SLC5A9: variants seen among roughly 807,000 people sequenced by gnomAD.
The protein encoded by SLC5A9 is solute carrier family 5 member 9, also known as sodium/glucose cotransporter 4.
In SLC5A9, 59 loss-of-function variants were observed where a neutral mutation model predicts 70.9. That is an observed-to-expected ratio of 0.83 (90% confidence interval 0.68 to 1.03). SLC5A9 has a LOEUF of 1.03. Among genes scored for constraint, SLC5A9 ranks in the 50% least tolerant of loss-of-function variants. The pLI is 0.00. For synonymous variants in SLC5A9, 340 were observed against 346.5 expected (o/e 0.98, Z 0.21); for missense variants, 832 against 881.1 (o/e 0.94, Z 0.71).
intron 2 of SLC5A9, among the ~76,000 whole-genome samples, chr1:48,226,079 A>G (rs1644142387): frequency 6.6e-6 from 1 of 152,190 alleles, no homozygotes. Flanking sequence ...TCTGTCCAGC[A>G]TGACAGAATC....
chr1:48,229,957 A>G (rs755832034), intron 4 of SLC5A9, among the ~76,000 whole-genome samples: 1 of 152,236 alleles, frequency 6.6e-6, no homozygotes, highest in Non-Finnish European at 1.5e-5. Context: ...TTCACAAAAC[A>G]ATCATGGAAT....
chr1:48,247,345 G>C lies in SLC5A9; in HGVS notation c.1848G>C (p.Arg616Ser). ...LGQEQPEAPS[R>S]SWGKLLWSWF... ...GCTTTGTCCCTCCAGCCCCAAGCAG[G>C]TCCTGGGGAAAGTTGCTCTGGAGCT... The change falls in exon 14 of 14, where the codon AGG becomes AGC. Residue 616 changes from arginine (R) to serine (S), a missense_variant. Coordinates refer to ENST00000438567, the MANE Select transcript of SLC5A9 (RefSeq NM_001011547.3). 1 of 1,613,930 alleles carries C rather than the reference G, an allele frequency of 6.2e-7. No individual in the cohort carries two copies. Among genetic ancestry groups the C allele is most frequent in the East Asian group, 2.2e-5 (1 of 44,858 alleles).
chr1:48,234,001 G>T (rs1644293956), intron 9 of SLC5A9, among the ~76,000 whole-genome samples: 1 of 152,208 alleles, frequency 6.6e-6, no homozygotes. Flanking sequence ...GGCATCATGC[G>T]GTCTCCAGGG....
intron 6 of SLC5A9, 140 bp downstream of exon 6, chr1:48,231,765 C>T (rs1644251197): frequency 6.6e-7 from 1 of 1,508,038 alleles, no homozygotes; most frequent in African/African-American, 1.4e-5. Context: ...CTGCAGCTCC[C>T]AAAGAGCAGG....
chr1:48,233,360 C>CAAAAAAAAAAAAAAAAAAAAAAAAA (rs1157245912), intron 8 of SLC5A9, among the ~76,000 whole-genome samples: 1 of 58,714 alleles, frequency 1.7e-5, no homozygotes. Context: ...GACTCCATCT[C>CAAAAAAAAAAAAAAAAAAAAAAAAA]AAAAAAAAAA....
At chr1:48,228,404 C>CA (rs1335163016) in intron 2 of SLC5A9, 1 of 175,240 alleles carries the variant, frequency 5.7e-6, no homozygotes, top group East Asian at 1.5e-4. Flanking sequence ...TCGACCTGGC[C>CA]TGTGCTCAGT....
chr1:48,246,841 A>G (rs932151596), intron 13 of SLC5A9, among the ~76,000 whole-genome samples: 28 of 152,232 alleles, frequency 1.8e-4, no homozygotes, highest in African/African-American at 6.8e-4. Context: ...AGTGATTTGC[A>G]TATGGCCTCA....
chr1:48,243,191 A>G (rs773982473), intron 13 of SLC5A9, among the ~76,000 whole-genome samples: 4 of 151,976 alleles, frequency 2.6e-5, no homozygotes, highest in Non-Finnish European at 5.9e-5. Context: ...TTTATTATTT[A>G]TTTATCTCCC....
chr1:48,227,219 T>C (rs1216182826), intron 2 of SLC5A9, among the ~76,000 whole-genome samples: 3 of 137,098 alleles, frequency 2.2e-5, no homozygotes, highest in South Asian at 2.3e-4. Context: ...CATGTGTGTG[T>C]GCATGTGTGA....
chr1:48,223,674 A>G (rs1188235044), intron 1 of SLC5A9, among the ~76,000 whole-genome samples: 1 of 152,100 alleles, frequency 6.6e-6, no homozygotes, highest in African/African-American at 2.4e-5. Context: ...CAAGTCCCAG[A>G]TGGTCACTTC....
intron 13 of SLC5A9, 148 bp downstream of exon 13, chr1:48,242,764 A>G (rs548259582): frequency 4.9e-5 from 37 of 750,762 alleles, no homozygotes; most frequent in Non-Finnish European, 7.0e-5. Context: ...AACTATTTGA[A>G]AAATAAGACA....
intron 13 of SLC5A9, among the ~76,000 whole-genome samples, chr1:48,244,018 G>T (rs894698792): frequency 6.6e-6 from 1 of 152,142 alleles, no homozygotes; most frequent in Non-Finnish European, 1.5e-5. Context: ...TGTCAATAAC[G>T]TAGTAATATT....
In SLC5A9 at chr1:48,233,853, G is replaced by A. The variant is rs949946576; in HGVS notation, c.1141+91G>A. ...AGGAGGGAAGGCACTAACATGGATG[G>A]GAAGAGGGAAGAAAACTATTCACCT... On this transcript the variant is annotated intron_variant, in intron 9 of 13. Coordinates refer to ENST00000438567, the MANE Select transcript of SLC5A9 (RefSeq NM_001011547.3). 9 of 890,838 alleles carry A rather than the reference G, an allele frequency of 1.0e-5. No individual in the cohort carries two copies. In the African/African-American group the frequency reaches 1.2e-4, roughly 11 times the overall value. 55.2% of individuals were successfully genotyped at this position (890,838 alleles called of 1,614,324 possible). A position where few individuals can be genotyped will look rare whatever the true frequency, so the allele number is the denominator to read the frequency against.
chr1:48,222,719 G>A lies in SLC5A9; in HGVS notation c.-18G>A. ...GGAGCGCCTCAAAGTCCAGCCTGCT[G>A]TTGACCAACACTAACAGATGAGCAA... On this transcript the variant is annotated 5_prime_UTR_variant, in exon 1 of 14. Coordinates refer to ENST00000438567, the MANE Select transcript of SLC5A9 (RefSeq NM_001011547.3). The A allele has an allele frequency of 6.2e-7, 1 of 1,613,814 alleles. No individual in the cohort carries two copies. Among genetic ancestry groups the A allele is most frequent in the Non-Finnish European group, 8.5e-7 (1 of 1,179,814 alleles).
Position 48,233,846 on chromosome 1 carries a change from A to G in SLC5A9, c.1141+84A>G. 3.1e-6 allele frequency: 3 copies of G among 957,338 alleles called. No homozygotes were observed. In the South Asian group the frequency reaches 4.1e-5, roughly 13 times the overall value. 59.3% of individuals were successfully genotyped at this position (957,338 alleles called of 1,614,324 possible). ...ACTGCCCAGGAGGGAAGGCACTAAC[A>G]TGGATGGGAAGAGGGAAGAAAACTA... On this transcript the variant is annotated intron_variant, in intron 9 of 13. Coordinates refer to ENST00000438567, the MANE Select transcript of SLC5A9 (RefSeq NM_001011547.3).
chr1:48,235,732 T>G lies in SLC5A9; in HGVS notation c.1145T>G (p.Leu382Arg), dbSNP rs193163259. The G allele has an allele frequency of 5.0e-6, 8 of 1,614,202 alleles. No individual in the cohort carries two copies. In the African/African-American group the frequency reaches 1.1e-4, roughly 22 times the overall value. ...CATGAGCCTCGTCTCTCCCCAGGTC[T>G]GCGGGGGCTGATGATTGCCGTGATC... ...KLVMALMPVG[L>R]RGLMIAVIMA... Residue 382 changes from leucine to arginine, a missense_variant, in exon 10 of 14, where the codon CTG (leucine) becomes CGG (arginine). Coordinates refer to ENST00000438567, the MANE Select transcript of SLC5A9 (RefSeq NM_001011547.3).
rs553501544 is a variant in SLC5A9, at chr1:48,226,744, T to A, written c.234+1949T>A. 3.9e-5 allele frequency among the ~76,000 whole-genome samples: 6 copies of A among 152,290 alleles called. No individual in the cohort carries two copies. In the East Asian group the frequency reaches 1.2e-3, roughly 29 times the overall value. On this transcript the variant is annotated intron_variant, in intron 2 of 13. Transcript: ENST00000438567. ...CCCATGCCTCCCCTGCTGATCTTGT[T>A]GATGTCTCCTGGGTTAGGAGCAGGA...
Position 48,228,844 on chromosome 1 carries a change from T to C in SLC5A9, c.235-6T>C. On this transcript the variant is annotated splice_region_variant and splice_polypyrimidine_tract_variant and intron_variant, in intron 2 of 13. Transcript: ENST00000438567. The stretch of plus-strand genomic sequence containing the variant: ...TCCTGACCCTTGACCCAACTGTGCC[T>C]TGCAGATTGGAGCATCTCTGATGTC... 6.2e-7 allele frequency: 1 copy of C among 1,613,686 alleles called. No individual in the cohort carries two copies. The highest frequency in any genetic ancestry group is 8.5e-7 in the Non-Finnish European group (1 of 1,179,868).
At chr1:48,228,977 TCC>T in intron 3 of SLC5A9, 23 bp downstream of exon 3, 1 of 1,613,254 alleles carries the variant, frequency 6.2e-7, no homozygotes, top group Non-Finnish European at 8.5e-7. Context: ...GCCTGGTTTC[TCC>T]AGAATACTGA....
Sources: gnomAD v4.1 joint callset for allele counts (sites outside exome capture counted in the v4.1 genomes callset) on GRCh38, gnomAD v4.1.1 for gene constraint, MANE v1.5 for transcripts, NCBI Gene and HGNC (gene_info 2026-07-23, HGNC 2026-07-21) for gene names.